Variants in FANCD2 observed in about 807,000 individuals in gnomAD.
FANCD2 encodes the protein FA complementation group D2.
FANCD2 carries 131 observed loss-of-function variants against 192.3 expected under a neutral mutation model. That is an observed-to-expected ratio of 0.68 (90% confidence interval 0.59 to 0.79). The LOEUF (loss-of-function observed/expected upper bound fraction) is 0.79, where lower values mean the gene tolerates loss of function less well. Among genes scored for constraint, FANCD2 ranks in the 30% least tolerant of loss-of-function variants. The pLI, the probability that FANCD2 is intolerant of heterozygous loss-of-function variation, is 0.00. For missense variants in FANCD2, 1,508 were observed against 1,701.6 expected (o/e 0.89, Z 2.00); for synonymous variants, 524 against 612.5 (o/e 0.86, Z 2.13).
rs754258198 is a variant in FANCD2 at position 10,064,423 on chromosome 3, C to A, written c.2015C>A (p.Pro672Gln). 1.9e-6 allele frequency: 3 copies of A among 1,613,450 alleles called. No individual in the cohort carries two copies. The highest frequency in any genetic ancestry group is 1.3e-5 in the African/African-American group (1 of 74,908). Reference protein sequence around the residue: ...DAFVVDSCVVPEGDFPFPVKA... With the variant: ...DAFVVDSCVVQEGDFPFPVKA... ...TTCGTAGTGGACTCCTGTGTTGTTC[C>A]GGAAGGGTAGGTATTGTTTACCTGC... The change falls in exon 22 of 44, where the codon CCG becomes CAG. Residue 672 changes from proline (P) to glutamine (Q), a missense_variant. Pro to Gln is a moderately conservative substitution (Grantham distance 76). This residue lies in a region of FANCD2 where 59 missense variants were observed against 111.9 expected (regional missense o/e 0.53). Transcript: ENST00000675286.
intron 36 of FANCD2, among the ~76,000 whole-genome samples, chr3:10,089,291 A>G (rs1393264060): frequency 6.6e-6 from 1 of 151,966 alleles, no homozygotes; most frequent in Non-Finnish European, 1.5e-5. Context: ...ATCTCAAAAA[A>G]AAAAAGAATC....
chr3:10,065,835 G>A (rs1241737464), intron 24 of FANCD2, 29 bp from the exon 25 acceptor site: 13 of 1,417,486 alleles, frequency 9.2e-6, no homozygotes, highest in Non-Finnish European at 1.3e-5. Context: ...TTGCACTAAA[G>A]GTAGTTGGAA....
intron 33 of FANCD2, 101 bp from the exon 34 acceptor site, chr3:10,087,033 G>T: frequency 7.7e-7 from 1 of 1,305,076 alleles, no homozygotes; most frequent in Non-Finnish European, 1.1e-6. Flanking sequence ...TGATTAGGCC[G>T]TCAAACACTG....
rs747006885 is a variant in FANCD2 at position 10,039,318 on chromosome 3, C to T, written c.531C>T (p.Val177=). ...AAATCAACATACCTCGACTCATTGT[C>T]AGTCAACTAAAATGGCTTGACAGAG... is the stretch of plus-strand genomic sequence containing the variant. ...SDEINIPRLI[V]SQLKWLDRVV... Residue 177 remains valine, a synonymous_variant, in exon 8 of 44, where the codon GTC becomes GTT. Transcript: ENST00000675286. 1.2e-6 allele frequency: 2 copies of T among 1,613,922 alleles called. No homozygotes were observed. The highest frequency in any genetic ancestry group is 2.2e-5 in the South Asian group (2 of 91,048).
At position 10,047,956 on chromosome 3, in the gene FANCD2, CAG is replaced by C. The variant is rs2087073639; in HGVS notation, c.1321_1322del (p.Ser441PhefsTer22). 1 of 1,613,688 alleles carries C rather than the reference CAG, an allele frequency of 6.2e-7. No individual in the cohort carries two copies. The highest frequency in any genetic ancestry group is 8.5e-7 in the Non-Finnish European group (1 of 1,180,054). On this transcript the variant is annotated frameshift_variant, in exon 16 of 44. Transcript: ENST00000675286. LOFTEE classifies it high-confidence loss of function. ...GTGTTCATCCATTCTGTCGCTGGCTCAGAGTTTGCTTCACTCTCTAGACCAGA... is the reference window on the plus strand; with the variant it reads ...GTGTTCATCCATTCTGTCGCTGGCTCAGTTTGCTTCACTCTCTAGACCAGA... ...DMCSSILSLA[Q>X]SLLHSLDQSI...
chr3:10,058,761 A>G (rs2087483784), intron 18 of FANCD2, among the ~76,000 whole-genome samples: 1 of 152,150 alleles, frequency 6.6e-6, no homozygotes, highest in Non-Finnish European at 1.5e-5. Context: ...TTGTATTAAT[A>G]TTGAAATCAG....
At position 10,071,176 on chromosome 3, in the gene FANCD2, A is replaced by G. The variant is rs571921649; in HGVS notation, c.2495-1695A>G. ...AAAAAAAAAAGATGGCTTTTATCCA[A>G]AGGACAGGCAATAACAGATGCTGGT... On this transcript the variant is annotated intron_variant, in intron 26 of 43. Coordinates refer to ENST00000675286, the MANE Select transcript of FANCD2 (RefSeq NM_001018115.3). 7.3e-4 allele frequency among the ~76,000 whole-genome samples: 111 copies of G among 152,308 alleles called. 1 individual carries two copies. In the South Asian group the frequency reaches 0.018, roughly 25 times the overall value.
Position 10,089,239 on chromosome 3 carries a change from C to T in FANCD2, c.3683+289C>T, listed in dbSNP as rs889630027. Among the ~76,000 whole-genome samples, 16 of 151,652 alleles carry T rather than the reference C, an allele frequency of 1.1e-4. No homozygotes were observed. The South Asian group carries it at 2.3e-3, about 22-fold the overall frequency. On this transcript the variant is annotated intron_variant, in intron 36 of 43. Transcript: ENST00000675286. The stretch of plus-strand genomic sequence containing the variant: ...GGCGGAGGTTGCAGTGAGCCGGGAT[C>T]GCGCCACTGCACTCCAGCCTGGGCA...
chr3:10,055,685 G>A (rs1453830509), intron 18 of FANCD2, among the ~76,000 whole-genome samples: 2 of 151,862 alleles, frequency 1.3e-5, no homozygotes, highest in Non-Finnish European at 2.9e-5. Context: ...GGTGGCAGGC[G>A]CCTATAGTCC....
rs1575768942 is a variant in FANCD2, at chr3:10,052,609, C to T, written c.1656+112C>T. The T allele has an allele frequency of 1.5e-5, 11 of 757,912 alleles. No individual in the cohort carries two copies. In the East Asian group the frequency reaches 2.7e-4, roughly 18 times the overall value. 46.9% of individuals were successfully genotyped at this position (757,912 alleles called of 1,614,324 possible). ...TCTCAGCTCATTGCAACCTCTGCCTCCTGGGTTCAAGCGATTCTCCTGCCT... is the reference window on the plus strand; with the variant it reads ...TCTCAGCTCATTGCAACCTCTGCCTTCTGGGTTCAAGCGATTCTCCTGCCT... On this transcript the variant is annotated intron_variant, in intron 18 of 43. Transcript: ENST00000675286.
At chr3:10,062,024 A>ACG (rs1259610985) in intron 19 of FANCD2, 127 bp from the exon 20 acceptor site, 1 of 598,184 alleles carries the variant, frequency 1.7e-6, no homozygotes, top group Non-Finnish European at 3.0e-6. Context: ...ATGCTAAATG[A>ACG]CGAGTTAATG....
chr3:10,031,364 G>A (rs919808563), intron 2 of FANCD2, among the ~76,000 whole-genome samples: 6 of 152,184 alleles, frequency 3.9e-5, no homozygotes, highest in South Asian at 4.1e-4. Context: ...TTAGCCGGGC[G>A]TGGTGGTGTG....
chr3:10,060,203 C>A, intron 18 of FANCD2, 91 bp from the exon 19 acceptor site: 1 of 867,750 alleles, frequency 1.2e-6, no homozygotes, highest in Non-Finnish European at 1.9e-6. Context: ...ACGGTAAACG[C>A]CTTTATAGTC....
In FANCD2 at chr3:10,043,113, GC is replaced by G; in HGVS notation, c.953del (p.Ala318ValfsTer4). 1 of 1,614,060 alleles carries G rather than the reference GC, an allele frequency of 6.2e-7. No individual in the cohort carries two copies. The highest frequency in any genetic ancestry group is 8.5e-7 in the Non-Finnish European group (1 of 1,180,006). Reference protein sequence around the residue: ...QHCVLPSRLQASQVKLKSKGR... With the variant: ...QHCVLPSRLQXSQVKLKSKGR... ...TTGTGTTTTGCCATCACGGTTACAG[GC>G]TTCCCAAGTAAAGTTGAAAAGTAAA... On this transcript the variant is annotated frameshift_variant, in exon 12 of 44. Transcript: ENST00000675286. LOFTEE classifies it high-confidence loss of function.
chr3:10,080,209 A>C (rs1235513091), intron 30 of FANCD2, among the ~76,000 whole-genome samples: 1 of 151,894 alleles, frequency 6.6e-6, no homozygotes, highest in East Asian at 1.9e-4. Flanking sequence ...TACAGTGCCC[A>C]GCAATTCATT....
Position 10,098,769 on chromosome 3 carries a change from G to A in FANCD2, c.4235G>A (p.Ser1412Asn), listed in dbSNP as rs1299742794. Residue 1412 changes from serine to asparagine, a missense_variant, in exon 43 of 44, where the codon AGT (serine) becomes AAT (asparagine). Coordinates refer to ENST00000675286, the MANE Select transcript of FANCD2 (RefSeq NM_001018115.3). ...TCCCAGGAGAGCACAGCAGATGAGAGTGAGGATGACATGTCATCCCAGGCC... is the reference window on the plus strand; with the variant it reads ...TCCCAGGAGAGCACAGCAGATGAGAATGAGGATGACATGTCATCCCAGGCC... ...QNSQESTADE[S>N]EDDMSSQASK... The A allele has an allele frequency of 6.2e-7, 1 of 1,614,010 alleles. No homozygotes were observed. The highest frequency in any genetic ancestry group is 1.6e-4 in the Middle Eastern group (1 of 6,062).
In FANCD2 at chr3:10,065,969, G is replaced by A. The variant is rs141522584; in HGVS notation, c.2375G>A (p.Trp792Ter). 1 of 1,591,908 alleles carries A rather than the reference G, an allele frequency of 6.3e-7. No homozygotes were observed. Among genetic ancestry groups the A allele is most frequent in the African/African-American group, 1.3e-5 (1 of 74,476 alleles). Residue 792 changes from tryptophan to a stop codon, truncating the protein, a stop_gained, in exon 25 of 44, where the codon TGG (tryptophan) becomes TAG (stop). Transcript: ENST00000675286. LOFTEE classifies it high-confidence loss of function. Reference sequence around the variant, plus strand: ...TCTCTCATATTTCTTACTCTCAACTGGTTCCGAGAGGTGAGCAGAGTTAAT... The same window carrying A: ...TCTCTCATATTTCTTACTCTCAACTAGTTCCGAGAGGTGAGCAGAGTTAAT... ...MCSLIFLTLNWFREIVNAFCQ... is the reference protein window; with the variant it reads ...MCSLIFLTLN
At chr3:10,098,354 A>G (rs963952197) in intron 42 of FANCD2, among the ~76,000 whole-genome samples, 2 of 152,192 alleles carry the variant, frequency 1.3e-5, no homozygotes, top group Non-Finnish European at 2.9e-5. Context: ...TAGCCTCCGC[A>G]TGGCCATTCG....
At chr3:10,051,187 C>T (rs1316622630) in intron 17 of FANCD2, among the ~76,000 whole-genome samples, 6 of 150,184 alleles carry the variant, frequency 4.0e-5, no homozygotes, top group African/African-American at 1.5e-4. Flanking sequence ...GAGACCATCC[C>T]GGCTAAAACG....
Sources: gnomAD v4.1 joint callset for allele counts (sites outside exome capture counted in the v4.1 genomes callset) on GRCh38, gnomAD v4.1.1 for gene constraint, gnomAD v4.1.1 regional missense constraint, MANE v1.5 for transcripts, NCBI Gene and HGNC (gene_info 2026-07-23, HGNC 2026-07-21) for gene names.